Variants in GRIP1 observed in about 807,000 individuals in gnomAD.
GRIP1 encodes glutamate receptor interacting protein 1.
A neutral mutation model predicts 129.9 loss-of-function variants in GRIP1; 45 were observed. That is an observed-to-expected ratio of 0.35 (90% CI 0.27 to 0.44). The LOEUF is 0.44. GRIP1 is among the 20% of genes least tolerant of loss of function. The pLI, the probability that GRIP1 is intolerant of heterozygous loss-of-function variation, is 1.00. For missense variants in GRIP1, 1,196 were observed against 1,396.8 expected (o/e 0.86, Z 2.29); for synonymous variants, 530 against 520.8 (o/e 1.02, Z -0.24).
chr12:66,929,517 T>C (rs1333846514), intron 1 of GRIP1, among the ~76,000 whole-genome samples: 1 of 152,184 alleles, frequency 6.6e-6, no homozygotes, highest in Non-Finnish European at 1.5e-5. Context: ...CAAACCAAAA[T>C]TGGAGGTTCA....
In GRIP1 at chr12:66,580,470, C is replaced by A. The variant is rs981025276; in HGVS notation, c.136+16377G>T. On this transcript the variant is annotated intron_variant, in intron 2 of 24. Transcript: ENST00000359742. ...TAAAAGACACAGACTGGCAAATTGG[C>A]TAAAGAGTCAAGACCCATCAGTGTG... Among the ~76,000 whole-genome samples the A allele has an allele frequency of 9.8e-3, 1,493 of 152,190 alleles. 10 individuals carry two copies. Among genetic ancestry groups the A allele is most frequent in the African/African-American group, 0.018 (733 of 41,526 alleles).
intron 1 of GRIP1, among the ~76,000 whole-genome samples, chr12:66,656,360 G>A (rs2033157945): frequency 6.6e-6 from 1 of 151,934 alleles, no homozygotes. Context: ...AAAAAAAACA[G>A]ATCCTGGGCT....
Position 66,392,828 on chromosome 12 carries a change from A to C in GRIP1, c.2130-12T>G. On this transcript the variant is annotated splice_polypyrimidine_tract_variant and intron_variant, in intron 17 of 24. Coordinates refer to ENST00000359742, the MANE Select transcript of GRIP1 (RefSeq NM_001366722.1). ...GGATTGCGCCAGTTCTGAAAAGCCA[A>C]ATAGTAATAGGAGAGGTAGAAATAA... 6.2e-7 allele frequency: 1 copy of C among 1,612,198 alleles called. No homozygotes were observed. Among genetic ancestry groups the C allele is most frequent in the Non-Finnish European group, 8.5e-7 (1 of 1,178,250 alleles).
chr12:67,004,724 C>T (rs1365247306), intron 1 of GRIP1, among the ~76,000 whole-genome samples: 1 of 152,038 alleles, frequency 6.6e-6, no homozygotes, highest in Non-Finnish European at 1.5e-5. Flanking sequence ...CACCATATGA[C>T]AGCAAAACCC....
chr12:66,741,109 A>T (rs536614300), intron 1 of GRIP1, among the ~76,000 whole-genome samples: 166 of 152,318 alleles, frequency 1.1e-3, no homozygotes, highest in African/African-American at 3.8e-3. Context: ...GCTCTCTTTC[A>T]TAGAAGATGC....
intron 1 of GRIP1, among the ~76,000 whole-genome samples, chr12:67,008,931 A>G (rs1350019174): frequency 6.6e-6 from 1 of 152,148 alleles, no homozygotes; most frequent in Admixed American, 6.5e-5. Flanking sequence ...AGGAAAAAAA[A>G]AGTCATTTCA....
intron 1 of GRIP1, among the ~76,000 whole-genome samples, chr12:66,717,274 T>C (rs765188832): frequency 6.6e-6 from 1 of 152,168 alleles, no homozygotes; most frequent in Admixed American, 6.5e-5. Flanking sequence ...AAAGCCTATA[T>C]GCCAATTTTA....
At position 66,968,854 on chromosome 12, in the gene GRIP1, T is replaced by C. The variant is rs547669010; in HGVS notation, c.58+100196A>G. Among the ~76,000 whole-genome samples the C allele has an allele frequency of 9.2e-5, 14 of 152,290 alleles. No individual in the cohort carries two copies. In the East Asian group the frequency reaches 2.7e-3, roughly 29 times the overall value. On this transcript the variant is annotated intron_variant, in intron 1 of 1. Coordinates refer to the GRIP1 transcript ENST00000643019. ...GTTGATCTAAGTTGCTGAACTATCA[T>C]TATTCTTTTCTCTGAAGAACTTCTT...
At chr12:67,067,054 A>G (rs1329325023) in intron 1 of GRIP1, among the ~76,000 whole-genome samples, 2 of 151,998 alleles carry the variant, frequency 1.3e-5, no homozygotes, top group African/African-American at 4.8e-5. Context: ...CTAATTATTT[A>G]GAAAAGCATC....
chr12:67,069,017 GCCCT>G, intron 1 of GRIP1: 2 of 753,854 alleles, frequency 2.7e-6, no homozygotes, highest in Non-Finnish European at 3.2e-6. Context: ...CCGGACCCCT[GCCCT>G]CCCTCCCCGG....
At chr12:66,421,692 T>G (rs1413642272) in intron 14 of GRIP1, among the ~76,000 whole-genome samples, 1 of 151,848 alleles carries the variant, frequency 6.6e-6, no homozygotes, top group African/African-American at 2.4e-5. Context: ...AATATTTTGT[T>G]GCTAGTTAAC....
intron 2 of GRIP1, among the ~76,000 whole-genome samples, chr12:66,586,528 T>C (rs1592604186): frequency 6.6e-6 from 1 of 152,140 alleles, no homozygotes; most frequent in Non-Finnish European, 1.5e-5. Context: ...GTAACTACCA[T>C]TGACAAACTG....
At chr12:66,745,835 C>G (rs2036927598) in intron 1 of GRIP1, among the ~76,000 whole-genome samples, 1 of 152,078 alleles carries the variant, frequency 6.6e-6, no homozygotes, top group Non-Finnish European at 1.5e-5. Flanking sequence ...GAGAGATGTT[C>G]AGTGATCAGA....
intron 1 of GRIP1, among the ~76,000 whole-genome samples, chr12:66,829,239 A>T (rs959973120): frequency 1.3e-5 from 2 of 152,272 alleles, no homozygotes; most frequent in African/African-American, 4.8e-5. Context: ...CAGACCCACA[A>T]AAGAGGAGGA....
At chr12:66,431,192 G>T (rs1200452107) in intron 14 of GRIP1, among the ~76,000 whole-genome samples, 1 of 152,150 alleles carries the variant, frequency 6.6e-6, no homozygotes, top group Non-Finnish European at 1.5e-5. Context: ...CCTAGTTGTT[G>T]ACACTATAGT....
chr12:66,665,285 G>A lies in GRIP1; in HGVS notation c.55+13565C>T, dbSNP rs115843429. On this transcript the variant is annotated intron_variant, in intron 1 of 24. Transcript: ENST00000359742. ...AGCCTCCTAAAATGCTGAGGTTACA[G>A]GCGTGAGCTAACACAACCAACCAAA... Among the ~76,000 whole-genome samples the A allele has an allele frequency of 6.0e-3, 910 of 152,308 alleles. 8 individuals are homozygous for A. Among genetic ancestry groups the A allele is most frequent in the African/African-American group, 0.021 (860 of 41,568 alleles).
At chr12:66,372,493 G>A (rs565873080) in intron 22 of GRIP1, among the ~76,000 whole-genome samples, 7 of 152,298 alleles carry the variant, frequency 4.6e-5, no homozygotes, top group Non-Finnish European at 1.0e-4. Flanking sequence ...TGTCCCCAGA[G>A]TTTGTAGACC....
intron 1 of GRIP1, among the ~76,000 whole-genome samples, chr12:66,845,339 C>T (rs534991084): frequency 5.3e-5 from 8 of 152,206 alleles, no homozygotes; most frequent in Admixed American, 4.6e-4. Flanking sequence ...TGCCTGTAGT[C>T]CCAACTACTC....
intron 1 of GRIP1, among the ~76,000 whole-genome samples, chr12:66,894,021 C>T (rs2137242246): frequency 6.6e-6 from 1 of 152,274 alleles, no homozygotes; most frequent in South Asian, 2.1e-4. Flanking sequence ...ACCAGCCAGG[C>T]CACTCCCAAC....
Sources: allele counts gnomAD v4.1 joint callset (sites outside exome capture counted in the v4.1 genomes callset), GRCh38; gene constraint gnomAD v4.1.1; transcripts MANE v1.5; gene names NCBI Gene and HGNC (gene_info 2026-07-23, HGNC 2026-07-21).